TOX: variants seen among roughly 807,000 people sequenced by gnomAD.
TOX encodes the protein thymocyte selection associated high mobility group box, also known as thymocyte selection-associated high mobility group box protein TOX.
A neutral mutation model predicts 53.7 loss-of-function variants in TOX; 11 were observed. The observed-to-expected ratio is 0.20, with a 90% CI of 0.13 to 0.34. TOX has a LOEUF of 0.34. TOX is among the 10% of genes least tolerant of loss of function. TOX has a pLI of 1.00. For synonymous variants in TOX, 225 were observed against 245.3 expected (o/e 0.92, Z 0.77); for missense variants, 570 against 664.6 (o/e 0.86, Z 1.56).
intron 1 of TOX, among the ~76,000 whole-genome samples, chr8:59,098,019 T>A (rs1804742050): frequency 6.6e-6 from 1 of 152,046 alleles, no homozygotes; most frequent in African/African-American, 2.4e-5. Context: ...AAATCCATCA[T>A]TTGGAGTAAC....
intron 1 of TOX, among the ~76,000 whole-genome samples, chr8:59,010,255 G>A (rs899870891): frequency 4.6e-5 from 7 of 152,134 alleles, no homozygotes; most frequent in African/African-American, 1.2e-4. Flanking sequence ...AATATTAAAT[G>A]ATACAGTGTG....
At chr8:58,862,935 G>T (rs1811035456) in intron 3 of TOX, among the ~76,000 whole-genome samples, 1 of 151,996 alleles carries the variant, frequency 6.6e-6, no homozygotes, top group African/African-American at 2.4e-5. Flanking sequence ...ATTTTGGGGG[G>T]ATAGTTCCAT....
intron 3 of TOX, among the ~76,000 whole-genome samples, chr8:58,925,465 G>T (rs1339399215): frequency 1.3e-5 from 2 of 152,220 alleles, no homozygotes; most frequent in African/African-American, 2.4e-5. Context: ...AGGAAGTGGA[G>T]AATCTATAAC....
At chr8:58,984,650 G>A (rs562059041) in intron 1 of TOX, among the ~76,000 whole-genome samples, 4 of 152,074 alleles carry the variant, frequency 2.6e-5, no homozygotes, top group East Asian at 1.9e-4. Flanking sequence ...GGGTGTGGTG[G>A]CGGGCGTCTG....
chr8:58,901,891 G>C (rs1392975769), intron 3 of TOX, among the ~76,000 whole-genome samples: 2 of 152,198 alleles, frequency 1.3e-5, no homozygotes, highest in Non-Finnish European at 2.9e-5. Context: ...TATAGGTATA[G>C]TAGTGACATT....
chr8:59,046,105 C>G (rs1803677478), intron 1 of TOX, among the ~76,000 whole-genome samples: 1 of 152,094 alleles, frequency 6.6e-6, no homozygotes, highest in African/African-American at 2.4e-5. Flanking sequence ...GTTACAGAGA[C>G]CTGCTGCTAG....
At chr8:58,970,596 G>A (rs1013420653) in intron 1 of TOX, among the ~76,000 whole-genome samples, 9 of 152,160 alleles carry the variant, frequency 5.9e-5, no homozygotes, top group African/African-American at 2.2e-4. Flanking sequence ...CTGTGCCTAT[G>A]TCTGTGCTTT....
intron 1 of TOX, among the ~76,000 whole-genome samples, chr8:58,972,133 T>C (rs977263512): frequency 1.3e-5 from 2 of 152,218 alleles, no homozygotes; most frequent in South Asian, 2.1e-4. Flanking sequence ...TATGTATATA[T>C]ATATGTGCAT....
chr8:58,959,764 A>C (rs549970854), intron 2 of TOX, among the ~76,000 whole-genome samples, 179 bp downstream of exon 2: 1 of 152,130 alleles, frequency 6.6e-6, no homozygotes, highest in African/African-American at 2.4e-5. Context: ...ACAAATGCCA[A>C]CTCTGGCGTT....
At chr8:58,999,734 A>G (rs997285815) in intron 1 of TOX, among the ~76,000 whole-genome samples, 9 of 152,086 alleles carry the variant, frequency 5.9e-5, no homozygotes, top group African/African-American at 2.2e-4. Flanking sequence ...ATTTTTTAGG[A>G]AGAGGTATGG....
intron 2 of TOX, among the ~76,000 whole-genome samples, chr8:58,947,509 A>G (rs1048310473): frequency 6.6e-6 from 1 of 152,188 alleles, no homozygotes; most frequent in African/African-American, 2.4e-5. Flanking sequence ...AAAATGTTTT[A>G]TTACATTACT....
chr8:58,974,393 TGA>T (rs1019765421), intron 1 of TOX, among the ~76,000 whole-genome samples: 4 of 152,230 alleles, frequency 2.6e-5, no homozygotes, highest in Admixed American at 1.3e-4. Flanking sequence ...AGGTCAACAA[TGA>T]GATGTTTCAC....
At chr8:59,030,910 A>C (rs1296793011) in intron 1 of TOX, among the ~76,000 whole-genome samples, 1 of 152,240 alleles carries the variant, frequency 6.6e-6, no homozygotes, top group Non-Finnish European at 1.5e-5. Context: ...GAAACATCAT[A>C]CATCAGAATT....
intron 1 of TOX, among the ~76,000 whole-genome samples, chr8:59,112,261 G>GTTATAACCAGAAACCTGTTATAAC (rs1805029566): frequency 1.3e-5 from 2 of 152,286 alleles, no homozygotes; most frequent in Admixed American, 1.3e-4. Flanking sequence ...ACCAGGAAAA[G>GTTATAACCAGAAACCTGTTATAAC]CTCATTCAGG....
chr8:58,960,600 CA>C (rs1349835296), intron 1 of TOX, among the ~76,000 whole-genome samples: 1 of 152,052 alleles, frequency 6.6e-6, no homozygotes, highest in Non-Finnish European at 1.5e-5. Flanking sequence ...AATACACAGG[CA>C]CAATGAAATA....
chr8:58,850,378 T>C (rs1431705168), intron 4 of TOX, among the ~76,000 whole-genome samples: 4 of 152,114 alleles, frequency 2.6e-5, no homozygotes, highest in African/African-American at 7.2e-5. Flanking sequence ...GAGCCTTTAC[T>C]GGGGATTTTG....
rs768072284 is a variant in TOX at position 58,865,827 on chromosome 8, C to CTTTTT, written c.412-14027_412-14023dup. 2.5e-4 allele frequency among the ~76,000 whole-genome samples: 23 copies of CTTTTT among 91,334 alleles called. 2 individuals carry two copies. Among genetic ancestry groups the CTTTTT allele is most frequent in the Non-Finnish European group, 2.6e-4 (12 of 45,662 alleles). The allele number at this position is 91,334 out of a possible 152,430, so 59.9% of individuals were successfully genotyped here. A position where few individuals can be genotyped will look rare whatever the true frequency, so the allele number is the denominator to read the frequency against. ...TTCTTAATTATGGTAATGACAGTGG[C>CTTTTT]TTTTTTTTTTTTTTTTTTTTGTCCT... On this transcript the variant is annotated intron_variant, in intron 3 of 8. Transcript: ENST00000361421.
chr8:58,900,483 T>G (rs758811551), intron 3 of TOX, among the ~76,000 whole-genome samples: 1 of 152,166 alleles, frequency 6.6e-6, no homozygotes, highest in Non-Finnish European at 1.5e-5. Flanking sequence ...AACTAGCATT[T>G]TAATCATTTC....
chr8:58,869,275 A>C (rs1811157857), intron 3 of TOX, among the ~76,000 whole-genome samples: 1 of 151,792 alleles, frequency 6.6e-6, no homozygotes, highest in Non-Finnish European at 1.5e-5. Context: ...GAATAAGTCT[A>C]TATTTACAAA....
Sources: gnomAD v4.1 joint callset for allele counts (sites outside exome capture counted in the v4.1 genomes callset) on GRCh38, gnomAD v4.1.1 for gene constraint, MANE v1.5 for transcripts, NCBI Gene and HGNC (gene_info 2026-07-23, HGNC 2026-07-21) for gene names.